The following CCM2 variants were observed in gnomAD, a reference collection of about 807,000 sequenced individuals.
CCM2 encodes CCM2 scaffold protein.
In CCM2, 25 loss-of-function variants were observed where a neutral mutation model predicts 44.9. The ratio of observed to expected loss-of-function variants is 0.56; its 90% CI spans 0.41 to 0.78. CCM2 has a LOEUF of 0.78. Ranked by LOEUF, CCM2 falls within the 30% of genes least tolerant of loss-of-function variation. CCM2 has a pLI of 0.00. For synonymous variants in CCM2, 219 were observed against 241.1 expected (o/e 0.91, Z 0.85); for missense variants, 481 against 580.6 (o/e 0.83, Z 1.76).
At chr7:45,010,916 A>G (rs974662882) in intron 1 of CCM2, among the ~76,000 whole-genome samples, 1 of 152,174 alleles carries the variant, frequency 6.6e-6, no homozygotes, top group South Asian at 2.1e-4. Flanking sequence ...TCATTATGTG[A>G]ACATGTTTTC....
intron 1 of CCM2, chr7:45,027,875 G>A: frequency 7.0e-7 from 1 of 1,435,442 alleles, no homozygotes; most frequent in East Asian, 2.3e-5. Context: ...TTTCATGGCT[G>A]CTTCCCAGGG....
intron 1 of CCM2, among the ~76,000 whole-genome samples, chr7:45,019,831 G>A (rs766251730): frequency 2.6e-5 from 4 of 152,050 alleles, no homozygotes; most frequent in African/African-American, 9.7e-5. Context: ...TGCCTTGGCC[G>A]CCCAAAGTGC....
chr7:45,020,415 G>A (rs561069907), intron 1 of CCM2, among the ~76,000 whole-genome samples: 1 of 152,094 alleles, frequency 6.6e-6, no homozygotes, highest in Admixed American at 6.6e-5. Flanking sequence ...TAGATATATA[G>A]TTTCTTTATT....
chr7:45,005,862 G>C (rs1361473824), intron 1 of CCM2, among the ~76,000 whole-genome samples: 1 of 152,264 alleles, frequency 6.6e-6, no homozygotes, highest in Admixed American at 6.5e-5. Context: ...TTCAGAAGCA[G>C]AGATGAGGTG....
chr7:45,038,933 T>C (rs1257435887), intron 2 of CCM2, among the ~76,000 whole-genome samples: 1 of 152,148 alleles, frequency 6.6e-6, no homozygotes, highest in African/African-American at 2.4e-5. Context: ...AATGAAAATA[T>C]ATGAATAAAA....
At chr7:45,072,423 T>G in intron 6 of CCM2, 2 of 528,368 alleles carry the variant, frequency 3.8e-6, no homozygotes, top group African/African-American at 1.9e-5. Context: ...GGCACATGAG[T>G]GATACCTCAA....
chr7:45,027,817 G>A (rs746069445), intron 1 of CCM2: 1 of 1,613,686 alleles, frequency 6.2e-7, no homozygotes. Context: ...AGTCCAGTGT[G>A]GAAAGCGCCA....
intron 4 of CCM2, among the ~76,000 whole-genome samples, chr7:45,066,109 G>C (rs1798760499): frequency 6.6e-6 from 1 of 152,132 alleles, no homozygotes; most frequent in Non-Finnish European, 1.5e-5. Flanking sequence ...TTAATGGAGA[G>C]AGAATGAGCG....
At chr7:45,031,494 C>G (rs868099483) in intron 1 of CCM2, among the ~76,000 whole-genome samples, 1 of 152,004 alleles carries the variant, frequency 6.6e-6, no homozygotes. Context: ...TTCTCTCCCC[C>G]CAGTCTTTCA....
At position 45,068,333 on chromosome 7, in the gene CCM2, C is replaced by T. The variant is rs1314123907; in HGVS notation, c.473-110C>T. 5 of 1,416,008 alleles carry T rather than the reference C, an allele frequency of 3.5e-6. No homozygotes were observed. In the African/African-American group the frequency reaches 7.0e-5, roughly 20 times the overall value. The allele number at this position is 1,416,008 out of a possible 1,614,324, so 87.7% of individuals were successfully genotyped here. Reference sequence around the variant, plus strand: ...CTGAGTCGTTCTGTGGGTGCCTGAGCCAGGTAAAGGTCCTCTCAGCCTGTT... The same window carrying T: ...CTGAGTCGTTCTGTGGGTGCCTGAGTCAGGTAAAGGTCCTCTCAGCCTGTT... On this transcript the variant is annotated intron_variant, in intron 4 of 9. Coordinates refer to ENST00000258781, the MANE Select transcript of CCM2 (RefSeq NM_031443.4).
At chr7:45,069,701 A>C (rs1458591219) in intron 5 of CCM2, 125 bp from the exon 6 acceptor site, 4 of 1,255,870 alleles carry the variant, frequency 3.2e-6, no homozygotes, top group Non-Finnish European at 4.6e-6. Flanking sequence ...AGAGGGACAC[A>C]TTCTGGTATC....
At chr7:45,033,702 A>G (rs533486346) in intron 1 of CCM2, among the ~76,000 whole-genome samples, 1 of 152,296 alleles carries the variant, frequency 6.6e-6, no homozygotes, top group East Asian at 1.9e-4. Context: ...TCATGGGCCA[A>G]ATGCCTCTGT....
chr7:45,042,195 G>A (rs1214622802), intron 2 of CCM2, among the ~76,000 whole-genome samples: 4 of 143,906 alleles, frequency 2.8e-5, no homozygotes, highest in Non-Finnish European at 1.5e-5. Context: ...GACTCCGGAA[G>A]ATGGAGATTG....
chr7:45,069,499 G>A (rs900323686), intron 5 of CCM2, among the ~76,000 whole-genome samples: 1 of 152,348 alleles, frequency 6.6e-6, no homozygotes, highest in East Asian at 1.9e-4. Context: ...TCCTGGGCTG[G>A]GATAGGGTTG....
chr7:45,000,461 G>GGC (rs1554353567), intron 1 of CCM2, 98 bp downstream of exon 1: 2 of 287,764 alleles, frequency 7.0e-6, no homozygotes, highest in South Asian at 2.0e-4. Context: ...GCCCGGGGGG[G>GGC]GGGGCAGTGG....
Position 45,009,318 on chromosome 7 carries a change from A to AAAAAG in CCM2, c.30+8959_30+8960insGAAAA, listed in dbSNP as rs1554356438. Reference sequence around the variant, plus strand: ...TCTGTCTCAAAAAAAAAAAAAAAAAAAAAATTTTTGAGTACACCAAAGTTG... The same window carrying AAAAAG: ...TCTGTCTCAAAAAAAAAAAAAAAAAAAAAAGAAAATTTTTGAGTACACCAAAGTTG... On this transcript the variant is annotated intron_variant, in intron 1 of 9. Transcript: ENST00000258781. Among the ~76,000 whole-genome samples, 14 of 108,592 alleles carry AAAAAG rather than the reference A, an allele frequency of 1.3e-4. 1 individual carries two copies. Among genetic ancestry groups the AAAAAG allele is most frequent in the African/African-American group, 5.1e-4 (13 of 25,698 alleles). The allele number at this position is 108,592 out of a possible 152,430, so 71.2% of individuals were successfully genotyped here. A position where few individuals can be genotyped will look rare whatever the true frequency, so the allele number is the denominator to read the frequency against.
intron 2 of CCM2, chr7:45,063,320 C>T (rs62458151): frequency 9.7e-4 from 150 of 155,198 alleles, no homozygotes; most frequent in Non-Finnish European, 2.0e-3. Flanking sequence ...GATCTGCCCA[C>T]CTTAGCCTCC....
chr7:45,022,355 G>A (rs1796514123), intron 1 of CCM2, among the ~76,000 whole-genome samples: 1 of 139,532 alleles, frequency 7.2e-6, no homozygotes, highest in Admixed American at 7.4e-5. Context: ...AGGCTAGAGT[G>A]GAGTGCAGTG....
chr7:45,017,492 G>T (rs1406996573), intron 1 of CCM2, among the ~76,000 whole-genome samples: 2 of 152,232 alleles, frequency 1.3e-5, no homozygotes, highest in African/African-American at 4.8e-5. Flanking sequence ...GCTTATCCAG[G>T]ACAGTGCTTG....
Sources: allele counts gnomAD v4.1 joint callset (sites outside exome capture counted in the v4.1 genomes callset), GRCh38; gene constraint gnomAD v4.1.1; transcripts MANE v1.5; gene names NCBI Gene and HGNC (gene_info 2026-07-23, HGNC 2026-07-21).